Variants in NFIA observed in about 807,000 individuals in gnomAD.
NFIA encodes the protein nuclear factor I A.
Under a neutral mutation model 62.8 loss-of-function variants are expected in NFIA, and 8 were observed. The ratio of observed to expected loss-of-function variants is 0.13; its 90% confidence interval spans 0.07 to 0.23. NFIA has a LOEUF of 0.23. Among genes scored for constraint, NFIA ranks in the 10% least tolerant of loss-of-function variants. The pLI is 1.00. For missense variants in NFIA, 410 were observed against 642.1 expected (o/e 0.64, Z 3.91); for synonymous variants, 235 against 238.1 (o/e 0.99, Z 0.12).
At chr1:61,177,656 T>C (rs1650471841) in intron 2 of NFIA, among the ~76,000 whole-genome samples, 1 of 109,942 alleles carries the variant, frequency 9.1e-6, no homozygotes, top group African/African-American at 4.2e-5. Flanking sequence ...TTCTCTATTG[T>C]GTGTGTGTGT....
At chr1:61,339,910 T>A (rs1570604537) in intron 4 of NFIA, among the ~76,000 whole-genome samples, 2 of 152,310 alleles carry the variant, frequency 1.3e-5, no homozygotes, top group Non-Finnish European at 2.9e-5. Context: ...TGCATATACC[T>A]TGTGTTCGAT....
intron 3 of NFIA, among the ~76,000 whole-genome samples, chr1:61,295,246 A>G (rs1291794273): frequency 1.3e-5 from 2 of 152,222 alleles, no homozygotes; most frequent in East Asian, 3.8e-4. Context: ...TACTCATTCC[A>G]TGGCAAAGCT....
intron 2 of NFIA, among the ~76,000 whole-genome samples, chr1:61,245,550 G>A (rs1035223313): frequency 1.2e-4 from 19 of 152,114 alleles, no homozygotes; most frequent in East Asian, 5.8e-4. Flanking sequence ...ACATAATTAC[G>A]TAGGTAAAGA....
At position 61,134,922 on chromosome 1, in the gene NFIA, GAGA is replaced by G. The variant is rs1163833317; in HGVS notation, c.559+46249_559+46251del. Reference sequence around the variant, plus strand: ...ATGTCCCAGAGTTGCACATCTGGAAGAGAAGAAGATAGCAACTGAAAAGAAAAT... The same window carrying G: ...ATGTCCCAGAGTTGCACATCTGGAAGAGAAGATAGCAACTGAAAAGAAAAT... On this transcript the variant is annotated intron_variant, in intron 2 of 10. Coordinates refer to ENST00000403491, the MANE Select transcript of NFIA (RefSeq NM_001134673.4). Among the ~76,000 whole-genome samples the G allele has an allele frequency of 3.9e-5, 6 of 152,364 alleles. No homozygotes were observed. In the Middle Eastern group the frequency reaches 0.01, roughly 259 times the overall value.
At chr1:61,097,092 A>C (rs1646429832) in intron 2 of NFIA, among the ~76,000 whole-genome samples, 1 of 152,230 alleles carries the variant, frequency 6.6e-6, no homozygotes, top group Non-Finnish European at 1.5e-5. Flanking sequence ...AGGGTTGTGT[A>C]GCATCAGTTA....
intron 9 of NFIA, among the ~76,000 whole-genome samples, chr1:61,418,081 A>G (rs536182986): frequency 6.6e-6 from 1 of 152,294 alleles, no homozygotes; most frequent in East Asian, 1.9e-4. Context: ...ACTATGTTGC[A>G]CTGTCTCCAA....
chr1:61,079,705 A>G (rs1332230178), upstream of NFIA, among the ~76,000 whole-genome samples: 15 of 152,058 alleles, frequency 9.9e-5, no homozygotes, highest in Non-Finnish European at 5.9e-5. Context: ...TGCTCTCTCT[A>G]CTATCCTTTC....
intron 3 of NFIA, among the ~76,000 whole-genome samples, chr1:61,312,604 C>T (rs1368021123): frequency 6.6e-6 from 1 of 152,078 alleles, no homozygotes; most frequent in Non-Finnish European, 1.5e-5. Flanking sequence ...CCTCAACTTC[C>T]CAGGCTCAGG....
intron 9 of NFIA, among the ~76,000 whole-genome samples, chr1:61,406,993 G>T (rs1665871731): frequency 6.6e-6 from 1 of 152,192 alleles, no homozygotes; most frequent in Non-Finnish European, 1.5e-5. Context: ...ATTACATTTT[G>T]TATATTATTT....
At chr1:61,182,614 A>G (rs1007960061) in intron 2 of NFIA, among the ~76,000 whole-genome samples, 1 of 152,248 alleles carries the variant, frequency 6.6e-6, no homozygotes, top group Non-Finnish European at 1.5e-5. Flanking sequence ...CGTTAAACAA[A>G]TGTGTATTTT....
chr1:61,202,974 A>G (rs925518695), intron 2 of NFIA, among the ~76,000 whole-genome samples: 1 of 152,204 alleles, frequency 6.6e-6, no homozygotes, highest in Non-Finnish European at 1.5e-5. Flanking sequence ...AACAACAAAA[A>G]CTGGTCATCC....
chr1:61,412,431 C>T (rs894134062), intron 9 of NFIA, among the ~76,000 whole-genome samples: 10 of 152,114 alleles, frequency 6.6e-5, no homozygotes, highest in African/African-American at 2.4e-5. Context: ...GAGAAGTAAG[C>T]GGGTTCCAGG....
chr1:61,406,554 C>CT lies in NFIA; in HGVS notation c.1255-8_1255-7insT, dbSNP rs774320938. 58 of 1,380,716 alleles carry CT rather than the reference C, an allele frequency of 4.2e-5. 2 individuals are homozygous for CT. The East Asian group carries it at 1.0e-3, about 24-fold the overall frequency. 85.5% of individuals were successfully genotyped at this position (1,380,716 alleles called of 1,614,324 possible). On this transcript the variant is annotated splice_polypyrimidine_tract_variant and splice_region_variant and intron_variant, in intron 8 of 10. Coordinates refer to ENST00000403491, the MANE Select transcript of NFIA (RefSeq NM_001134673.4). ...TACGTGTGTTTTCTGCCCCCCCCCC[C>CT]CCCACAGCCCAATGGGAGCAGCCAA...
At chr1:61,228,937 A>C (rs1654498129) in intron 2 of NFIA, among the ~76,000 whole-genome samples, 1 of 152,218 alleles carries the variant, frequency 6.6e-6, no homozygotes, top group Non-Finnish European at 1.5e-5. Context: ...AACAAAGAAA[A>C]GACTATTAAT....
At chr1:61,280,728 AAAAC>A (rs1377625997) in intron 3 of NFIA, among the ~76,000 whole-genome samples, 3 of 152,238 alleles carry the variant, frequency 2.0e-5, no homozygotes, top group Non-Finnish European at 4.4e-5. Context: ...ACTGTAAAAG[AAAAC>A]AAATCTTTGT....
intron 2 of NFIA, among the ~76,000 whole-genome samples, chr1:61,217,276 G>T (rs1653692701): frequency 6.6e-6 from 1 of 151,152 alleles, no homozygotes; most frequent in South Asian, 2.1e-4. Context: ...CACCACATTG[G>T]TCAGGCTGGT....
intron 6 of NFIA, among the ~76,000 whole-genome samples, chr1:61,367,993 A>G (rs1663680818): frequency 1.3e-5 from 2 of 152,356 alleles, no homozygotes; most frequent in African/African-American, 2.4e-5. Flanking sequence ...TCAAGCGCTC[A>G]GAAGCAGAGC....
At chr1:61,214,472 A>AT (rs1653480381) in intron 2 of NFIA, among the ~76,000 whole-genome samples, 4 of 152,230 alleles carry the variant, frequency 2.6e-5, no homozygotes, top group Non-Finnish European at 4.4e-5. Flanking sequence ...CTACATTTAT[A>AT]TATCAGTTAA....
intron 6 of NFIA, among the ~76,000 whole-genome samples, chr1:61,375,934 T>C (rs148195487): frequency 1.8e-4 from 28 of 152,292 alleles, no homozygotes; most frequent in African/African-American, 6.3e-4. Flanking sequence ...GTCTTCTATG[T>C]GCCTCACTCT....
Sources: gnomAD v4.1 joint callset for allele counts (sites outside exome capture counted in the v4.1 genomes callset) on GRCh38, gnomAD v4.1.1 for gene constraint, MANE v1.5 for transcripts, NCBI Gene and HGNC (gene_info 2026-07-23, HGNC 2026-07-21) for gene names.